The following KCTD4 variants were observed in gnomAD, a reference collection of about 807,000 sequenced individuals.
The protein encoded by KCTD4 is BTB/POZ domain-containing protein KCTD4.
A neutral mutation model predicts 18.3 loss-of-function variants in KCTD4; 12 were observed. The observed-to-expected ratio is 0.66, with a 90% CI of 0.42 to 1.06. The LOEUF is 1.06. Ranked by LOEUF, KCTD4 falls within the 50% of genes least tolerant of loss-of-function variation. KCTD4 has a pLI of 0.00. For synonymous variants in KCTD4, 124 were observed against 110.5 expected (o/e 1.12, Z -0.76); for missense variants, 250 against 303.4 (o/e 0.82, Z 1.31).
chr13:45,197,341 TAA>T (rs67534725), intron 1 of KCTD4, among the ~76,000 whole-genome samples: 51 of 137,096 alleles, frequency 3.7e-4, no homozygotes, highest in Non-Finnish European at 4.6e-4. Flanking sequence ...TACCAAAAAT[TAA>T]AAAAAAAAAA....
chr13:45,197,276 C>G (rs986906694), intron 1 of KCTD4, among the ~76,000 whole-genome samples: 5 of 150,296 alleles, frequency 3.3e-5, no homozygotes, highest in African/African-American at 9.8e-5. Context: ...GCGGGCAGGT[C>G]ACTTGAGGCC....
chr13:45,193,647 C>G lies in KCTD4; in HGVS notation c.*141G>C. 1.4e-6 allele frequency: 1 copy of G among 708,878 alleles called. No individual in the cohort carries two copies. The highest frequency in any genetic ancestry group is 2.3e-6 in the Non-Finnish European group (1 of 427,616). 43.9% of individuals were successfully genotyped at this position (708,878 alleles called of 1,614,324 possible). On this transcript the variant is annotated 3_prime_UTR_variant, in exon 2 of 2. Coordinates refer to ENST00000379108, the MANE Select transcript of KCTD4 (RefSeq NM_198404.3). ...ATCTTTAGCGATAGAATTTACATACCGTTAGCTCACAGTAATTGATTAGTA... is the reference window on the plus strand; with the variant it reads ...ATCTTTAGCGATAGAATTTACATACGGTTAGCTCACAGTAATTGATTAGTA...
Sources: allele counts gnomAD v4.1 joint callset (sites outside exome capture counted in the v4.1 genomes callset), GRCh38; gene constraint gnomAD v4.1.1; transcripts MANE v1.5; gene names NCBI Gene and HGNC (gene_info 2026-07-23, HGNC 2026-07-21).